The following DOP1A variants were observed in gnomAD, a reference collection of about 807,000 sequenced individuals.
DOP1A encodes DOP1 leucine zipper like protein A.
In DOP1A, 90 loss-of-function variants were observed where a neutral mutation model predicts 267.6. The ratio of observed to expected loss-of-function variants is 0.34; its 90% confidence interval spans 0.28 to 0.40. DOP1A has a LOEUF of 0.40. Ranked by LOEUF, DOP1A falls within the 10% of genes least tolerant of loss-of-function variation. DOP1A has a pLI of 1.00. For missense variants in DOP1A, 2,437 were observed against 2,900.4 expected (o/e 0.84, Z 3.67); for synonymous variants, 932 against 999.1 (o/e 0.93, Z 1.27).
intron 12 of DOP1A, among the ~76,000 whole-genome samples, chr6:83,123,410 C>T (rs1257314209): frequency 6.6e-6 from 1 of 151,970 alleles, no homozygotes; most frequent in African/African-American, 2.4e-5. Context: ...GTGATAAAAG[C>T]CTTCTACCCC....
intron 1 of DOP1A, among the ~76,000 whole-genome samples, chr6:83,093,450 A>G (rs1770842733): frequency 6.6e-6 from 1 of 152,216 alleles, no homozygotes; most frequent in Non-Finnish European, 1.5e-5. Flanking sequence ...GATTTTACTC[A>G]TTGGCTATAT....
chr6:83,148,647 G>A, intron 26 of DOP1A, 112 bp from the exon 27 acceptor site: 1 of 642,540 alleles, frequency 1.6e-6, no homozygotes, highest in Non-Finnish European at 2.6e-6. Flanking sequence ...AAAATGTAAA[G>A]TTTTTAGGAA....
At chr6:83,157,757 T>C (rs1411420729) in intron 35 of DOP1A, among the ~76,000 whole-genome samples, 1 of 152,168 alleles carries the variant, frequency 6.6e-6, no homozygotes, top group Non-Finnish European at 1.5e-5. Flanking sequence ...CATTTAAACT[T>C]GCTTCAGAGA....
At chr6:83,109,854 G>A (rs1774255091) in intron 5 of DOP1A, among the ~76,000 whole-genome samples, 2 of 152,134 alleles carry the variant, frequency 1.3e-5, no homozygotes, top group Non-Finnish European at 2.9e-5. Flanking sequence ...TTTTGTTGTT[G>A]TTGTTCTCTT....
chr6:83,154,795 GAA>G (rs966415640), intron 33 of DOP1A, among the ~76,000 whole-genome samples: 3 of 150,934 alleles, frequency 2.0e-5, no homozygotes, highest in Non-Finnish European at 3.0e-5. Context: ...AATTTCATCT[GAA>G]AAAAAAGAGT....
downstream of DOP1A, chr6:83,169,088 G>C: frequency 1.4e-6 from 2 of 1,442,504 alleles, no homozygotes; most frequent in South Asian, 3.0e-5. Flanking sequence ...TATTCTGTTA[G>C]TGTTTAAGAA....
intron 24 of DOP1A, among the ~76,000 whole-genome samples, chr6:83,145,221 TAA>T: frequency 1.4e-5 from 1 of 73,608 alleles, no homozygotes; most frequent in Non-Finnish European, 2.3e-5. Context: ...TATATATATA[TAA>T]TATATATATA....
intron 35 of DOP1A, among the ~76,000 whole-genome samples, chr6:83,157,852 G>A (rs547985649): frequency 3.9e-5 from 6 of 152,158 alleles, no homozygotes; most frequent in Non-Finnish European, 8.8e-5. Flanking sequence ...TCCTCAAACC[G>A]TACACAGTCA....
chr6:83,127,526 C>T (rs575449813), intron 15 of DOP1A, among the ~76,000 whole-genome samples: 14 of 152,026 alleles, frequency 9.2e-5, no homozygotes, highest in Non-Finnish European at 1.6e-4. Context: ...TTAGGAGCAC[C>T]GGGAAGGCCC....
chr6:83,170,328 C>G, downstream of DOP1A: 5 of 1,614,156 alleles, frequency 3.1e-6, no homozygotes, highest in Non-Finnish European at 4.2e-6. Flanking sequence ...TCTGCATATA[C>G]TCGGACGACA....
chr6:83,140,069 T>A lies in DOP1A; in HGVS notation c.5190T>A (p.Ile1730=). The A allele has an allele frequency of 6.2e-7, 1 of 1,613,714 alleles. No individual in the cohort carries two copies. The highest frequency in any genetic ancestry group is 1.1e-5 in the South Asian group (1 of 91,046). ...ILTLLEGITA[I]IHYCLLDPTT... ...CTCTTTTGGAAGGGATTACAGCCATTATCCATTACTGTTTGTTGGATCCAA... is the reference window on the plus strand; with the variant it reads ...CTCTTTTGGAAGGGATTACAGCCATAATCCATTACTGTTTGTTGGATCCAA... The change falls in exon 22 of 39, where the codon ATT becomes ATA. Residue 1730 remains isoleucine (I), a synonymous_variant. Transcript: ENST00000349129.
At position 83,113,334 on chromosome 6, in the gene DOP1A, A is replaced by G. The variant is rs1415676251; in HGVS notation, c.693A>G (p.Val231=). Residue 231 remains valine (V), a synonymous_variant, in exon 7 of 39, where the codon GTA becomes GTG. Coordinates refer to ENST00000349129, the MANE Select transcript of DOP1A (RefSeq NM_015018.4). ...GSDIELMVEA[V]STSVQDSSVL... ...TGCTGTTATTTCAGGTAGAAGCAGT[A>G]AGTACTTCAGTGCAGGACTCAAGTG... 6.2e-7 allele frequency: 1 copy of G among 1,611,590 alleles called. No individual in the cohort carries two copies. The highest frequency in any genetic ancestry group is 2.2e-5 in the East Asian group (1 of 44,806).
In DOP1A at chr6:83,148,841, C is replaced by T. The variant is rs752140314; in HGVS notation, c.5815C>T (p.Pro1939Ser). ...CTCTATACAACTGAGTCTTCCAGCTCCAGGGCAGTTTCTTATACTTGGGTA... is the reference window on the plus strand; with the variant it reads ...CTCTATACAACTGAGTCTTCCAGCTTCAGGGCAGTTTCTTATACTTGGGTA... ...KDSIQLSLPA[P>S]GQFLILGVLN... is the part of the protein sequence containing the mutation. The change falls in exon 27 of 39, where the codon CCA becomes TCA. Residue 1939 changes from proline to serine, a missense_variant. Pro to Ser is a moderately conservative substitution (Grantham distance 74, BLOSUM62 -1). Transcript: ENST00000349129. The T allele has an allele frequency of 2.6e-6, 4 of 1,543,274 alleles. No individual in the cohort carries two copies. The highest frequency in any genetic ancestry group is 2.3e-5 in the Admixed American group (1 of 42,594).
At chr6:83,079,154 G>C (rs1273377096) in intron 1 of DOP1A, among the ~76,000 whole-genome samples, 3 of 152,164 alleles carry the variant, frequency 2.0e-5, no homozygotes, top group African/African-American at 7.2e-5. Context: ...ACAGATACAT[G>C]CATGGTCTGT....
chr6:83,067,941 G>C (rs575698300), intron 1 of DOP1A, among the ~76,000 whole-genome samples, 162 bp downstream of exon 1: 25 of 152,342 alleles, frequency 1.6e-4, no homozygotes, highest in African/African-American at 5.5e-4. Flanking sequence ...CTGCGAAGCT[G>C]GTCGGCCGCC....
At chr6:83,108,650 G>T (rs371896316) in intron 4 of DOP1A, among the ~76,000 whole-genome samples, 14 of 152,148 alleles carry the variant, frequency 9.2e-5, no homozygotes, top group African/African-American at 3.4e-4. Flanking sequence ...GGGCACATTG[G>T]GGGAGAATTC....
At chr6:83,166,067 C>A in intron 38 of DOP1A, 1 of 311,838 alleles carries the variant, frequency 3.2e-6, no homozygotes, top group Non-Finnish European at 5.9e-6. Flanking sequence ...CACCTTTTGG[C>A]ACACATCACA....
At chr6:83,148,203 G>A (rs562990368) in intron 26 of DOP1A, among the ~76,000 whole-genome samples, 1 of 152,062 alleles carries the variant, frequency 6.6e-6, no homozygotes, top group African/African-American at 2.4e-5. Context: ...CACGAACTCA[G>A]GAGATCAAGA....
chr6:83,120,633 A>G lies in DOP1A; in HGVS notation c.991-50A>G, dbSNP rs781450387. On this transcript the variant is annotated intron_variant, in intron 9 of 38. Coordinates refer to ENST00000349129, the MANE Select transcript of DOP1A (RefSeq NM_015018.4). The stretch of plus-strand genomic sequence containing the variant: ...AAAAATACTTTTTCTTAAGGAAAAA[A>G]TATTTGAATATGTTTACTTAAATGA... The G allele has an allele frequency of 1.4e-5, 19 of 1,397,116 alleles. No homozygotes were observed. In the South Asian group the frequency reaches 3.0e-4, roughly 22 times the overall value. 86.5% of individuals were successfully genotyped at this position (1,397,116 alleles called of 1,614,324 possible).
Sources: allele counts gnomAD v4.1 joint callset (sites outside exome capture counted in the v4.1 genomes callset), GRCh38; gene constraint gnomAD v4.1.1; transcripts MANE v1.5; gene names NCBI Gene and HGNC (gene_info 2026-07-23, HGNC 2026-07-21).